The following PRKN variants were observed in gnomAD, a reference collection of about 807,000 sequenced individuals.
The protein encoded by PRKN is parkin RBR E3 ubiquitin protein ligase.
A neutral mutation model predicts 59.5 loss-of-function variants in PRKN; 56 were observed. The observed-to-expected ratio is 0.94, with a 90% CI of 0.76 to 1.18. PRKN has a LOEUF of 1.18. Ranked by LOEUF, PRKN falls within the 50% of genes most tolerant of loss-of-function variation. The pLI is 0.00. For synonymous variants in PRKN, 250 were observed against 222.1 expected (o/e 1.13, Z -1.12); for missense variants, 657 against 596.4 (o/e 1.10, Z -1.06).
At chr6:161,745,459 AG>A (rs1298468452) in intron 7 of PRKN, among the ~76,000 whole-genome samples, 1 of 152,220 alleles carries the variant, frequency 6.6e-6, no homozygotes, top group Non-Finnish European at 1.5e-5. Flanking sequence ...GAAGAAAAGC[AG>A]GATACAAAGT....
At chr6:161,492,792 T>C (rs1261623986) in intron 9 of PRKN, among the ~76,000 whole-genome samples, 1 of 152,160 alleles carries the variant, frequency 6.6e-6, no homozygotes, top group Non-Finnish European at 1.5e-5. Context: ...AAAAACTCAG[T>C]AGTAATCTCT....
At chr6:161,553,141 T>C (rs1002236404) in intron 8 of PRKN, among the ~76,000 whole-genome samples, 6 of 152,214 alleles carry the variant, frequency 3.9e-5, no homozygotes, top group South Asian at 2.1e-4. Context: ...ATGTGTTGTT[T>C]AGTCCATCAC....
At position 161,357,927 on chromosome 6, in the gene PRKN, GT is replaced by G. The variant is rs1204196344; in HGVS notation, c.1285+2160del. Among the ~76,000 whole-genome samples the G allele has an allele frequency of 6.6e-6, 1 of 152,204 alleles. No homozygotes were observed. The highest frequency in any genetic ancestry group is 1.5e-5 in the Non-Finnish European group (1 of 68,050). The stretch of plus-strand genomic sequence containing the variant: ...ACCCATCTTATGAACGAGCAAACTG[GT>G]GCTCACACAGCCACAGTCCATGGCA... On this transcript the variant is annotated intron_variant, in intron 11 of 11. Coordinates refer to ENST00000366898, the MANE Select transcript of PRKN (RefSeq NM_004562.3). This position sits in a 1 kb window ranked among gnomAD's most constrained non-coding sequence, Gnocchi z 5.5.
chr6:162,144,988 C>G (rs1028501840), intron 4 of PRKN, among the ~76,000 whole-genome samples: 1 of 152,306 alleles, frequency 6.6e-6, no homozygotes, highest in East Asian at 1.9e-4. Flanking sequence ...GGCTTTCACA[C>G]AGAACTCCCA....
chr6:162,050,836 C>T (rs780377028), intron 5 of PRKN, among the ~76,000 whole-genome samples: 3 of 152,104 alleles, frequency 2.0e-5, no homozygotes, highest in South Asian at 2.1e-4. Context: ...CCCCAATCAC[C>T]GTGGCCACAC....
At chr6:161,942,756 C>T (rs1370240015) in intron 6 of PRKN, among the ~76,000 whole-genome samples, 2 of 151,878 alleles carry the variant, frequency 1.3e-5, no homozygotes, top group Admixed American at 6.6e-5. Context: ...TATTTGGAAA[C>T]GTTAAGGTTG....
intron 9 of PRKN, among the ~76,000 whole-genome samples, chr6:161,441,646 T>TAA (rs549048343): frequency 6.2e-5 from 6 of 97,538 alleles, no homozygotes; most frequent in African/African-American, 8.3e-5. Context: ...CTCTGTCTCT[T>TAA]AAAAAAAAAA....
intron 9 of PRKN, among the ~76,000 whole-genome samples, chr6:161,532,162 C>CTT (rs1227540991): frequency 1.2e-5 from 1 of 83,626 alleles, no homozygotes; most frequent in Non-Finnish European, 2.4e-5. Flanking sequence ...CTCTCTCTCT[C>CTT]TCTCTATATA....
intron 6 of PRKN, among the ~76,000 whole-genome samples, chr6:161,897,904 T>C (rs1023699779): frequency 1.5e-5 from 2 of 130,332 alleles, no homozygotes; most frequent in African/African-American, 3.0e-5. Flanking sequence ...GAGGCGGAGC[T>C]TGCAGTGAGC....
At chr6:162,532,393 CAG>C (rs1433822280) in intron 1 of PRKN, among the ~76,000 whole-genome samples, 1 of 152,250 alleles carries the variant, frequency 6.6e-6, no homozygotes, top group African/African-American at 2.4e-5. Context: ...CACATCCCCC[CAG>C]GGGCTGACAG....
chr6:162,036,483 G>A (rs1252565513), intron 5 of PRKN, among the ~76,000 whole-genome samples: 2 of 151,396 alleles, frequency 1.3e-5, no homozygotes, highest in African/African-American at 4.8e-5. Context: ...AGGTTCAAGC[G>A]ATTCTCCTGC....
intron 4 of PRKN, among the ~76,000 whole-genome samples, chr6:162,136,772 A>G (rs1781576460): frequency 6.6e-6 from 1 of 152,180 alleles, no homozygotes; most frequent in Non-Finnish European, 1.5e-5. Flanking sequence ...TGTACTCATT[A>G]CTTCAGCGGA....
chr6:162,538,218 G>C (rs2128198965), intron 1 of PRKN, among the ~76,000 whole-genome samples: 1 of 152,226 alleles, frequency 6.6e-6, no homozygotes, highest in Non-Finnish European at 1.5e-5. Context: ...GGCCAACATG[G>C]TGAAAACCTG....
At chr6:161,951,794 C>T (rs1250498072) in intron 6 of PRKN, among the ~76,000 whole-genome samples, 1 of 151,954 alleles carries the variant, frequency 6.6e-6, no homozygotes, top group Non-Finnish European at 1.5e-5. Flanking sequence ...TGGTGACGGG[C>T]CCCTGTAATC....
chr6:161,894,481 A>G (rs540259922), intron 6 of PRKN, among the ~76,000 whole-genome samples: 1 of 152,266 alleles, frequency 6.6e-6, no homozygotes, highest in East Asian at 1.9e-4. Flanking sequence ...TGGGATTCCA[A>G]TCAATCCTCA....
intron 5 of PRKN, among the ~76,000 whole-genome samples, chr6:162,009,025 C>T (rs2156746): frequency 0.48 from 72,494 of 151,510 alleles, 17,777 homozygotes; most frequent in East Asian, 0.6. Flanking sequence ...GAGGCTGAGG[C>T]GGGCGGATCA....
chr6:161,494,181 T>A (rs1488842620), intron 9 of PRKN, among the ~76,000 whole-genome samples: 3 of 151,010 alleles, frequency 2.0e-5, no homozygotes, highest in Non-Finnish European at 4.4e-5. Flanking sequence ...AAATAAAAAA[T>A]AAATAAATAA....
At chr6:161,732,792 T>C (rs980649754) in intron 7 of PRKN, among the ~76,000 whole-genome samples, 1 of 152,198 alleles carries the variant, frequency 6.6e-6, no homozygotes, top group African/African-American at 2.4e-5. Flanking sequence ...GAGCTTCAGT[T>C]AGCATCCAGG....
chr6:162,210,056 T>A (rs551936889), intron 3 of PRKN, among the ~76,000 whole-genome samples: 5 of 150,636 alleles, frequency 3.3e-5, no homozygotes, highest in African/African-American at 1.2e-4. Context: ...TGTATATGTA[T>A]CAAACTGGTA....
Sources: gnomAD v4.1 joint callset for allele counts (sites outside exome capture counted in the v4.1 genomes callset) on GRCh38, gnomAD v4.1.1 for gene constraint, Gnocchi (gnomAD v3.1) non-coding constraint, MANE v1.5 for transcripts, NCBI Gene and HGNC (gene_info 2026-07-23, HGNC 2026-07-21) for gene names.